Variants in ZNF273 observed in about 807,000 individuals in gnomAD.
The protein encoded by ZNF273 is zinc finger protein 273.
ZNF273 carries 11 observed loss-of-function variants against 14.9 expected under a neutral mutation model. The ratio of observed to expected loss-of-function variants is 0.74; its 90% confidence interval spans 0.46 to 1.22. The LOEUF is 1.22. Ranked by LOEUF, ZNF273 falls within the 50% of genes most tolerant of loss-of-function variation. The pLI is 0.00. For missense variants in ZNF273, 577 were observed against 660.6 expected (o/e 0.87, Z 1.39); for synonymous variants, 199 against 223.9 (o/e 0.89, Z 0.99).
At chr7:64,881,045 G>A (rs1791238972), downstream of ZNF273, among the ~76,000 whole-genome samples, 1 of 152,184 alleles carries the variant, frequency 6.6e-6, no homozygotes, top group Admixed American at 6.5e-5. Flanking sequence ...AACAGGTGCG[G>A]ACAGATGATA....
In ZNF273 at chr7:64,929,827, GTTT is replaced by G. The variant is rs546790409; in HGVS notation, c.*800_*802del. 1.4e-5 allele frequency: 2 copies of G among 141,456 alleles called. No individual in the cohort carries two copies. 8.8% of individuals were successfully genotyped at this position (141,456 alleles called of 1,614,324 possible). A position where few individuals can be genotyped will look rare whatever the true frequency, so the allele number is the denominator to read the frequency against. On this transcript the variant is annotated 3_prime_UTR_variant, in exon 4 of 4. Coordinates refer to ENST00000476120, the MANE Select transcript of ZNF273 (RefSeq NM_021148.3). ...ATGTAATTCAACTCTCAAATTCATG[GTTT>G]TTTTTTTTTTGGTTTTGGTTTTGGG...
intron 3 of ZNF273, among the ~76,000 whole-genome samples, chr7:64,924,803 A>AAT (rs1794697540): frequency 1.4e-5 from 2 of 145,104 alleles, no homozygotes; most frequent in African/African-American, 2.5e-5. Context: ...GATTTTTCAA[A>AAT]TTTTTTTTTT....
intron 3 of ZNF273, among the ~76,000 whole-genome samples, chr7:64,919,085 A>G (rs1794242341): frequency 6.6e-6 from 1 of 152,160 alleles, no homozygotes; most frequent in African/African-American, 2.4e-5. Flanking sequence ...ATATAGTTTG[A>G]AATTTTAAAG....
chr7:64,905,211 G>A (rs1345466040), intron 1 of ZNF273, among the ~76,000 whole-genome samples: 1 of 145,864 alleles, frequency 6.9e-6, no homozygotes, highest in Non-Finnish European at 1.5e-5. Flanking sequence ...CGCCTCCCAG[G>A]TTCAAGCGAT....
intron 2 of ZNF273, 85 bp from the exon 3 acceptor site, chr7:64,918,112 A>G (rs1170265737): frequency 1.6e-6 from 2 of 1,265,820 alleles, no homozygotes; most frequent in Non-Finnish European, 2.1e-6. Flanking sequence ...AGAATACTTA[A>G]TTACATCCTC....
At chr7:64,893,655 C>T (rs1380115986), downstream of ZNF273, 2 of 147,446 alleles carry the variant, frequency 1.4e-5, no homozygotes, top group African/African-American at 2.5e-5. Flanking sequence ...TGCTCTGTTT[C>T]CTCCCTCCCG....
chr7:64,908,054 A>G (rs917652747), intron 1 of ZNF273, among the ~76,000 whole-genome samples: 2 of 152,200 alleles, frequency 1.3e-5, no homozygotes, highest in African/African-American at 4.8e-5. Flanking sequence ...AAAAGTGTCT[A>G]CATGTCTCTG....
downstream of ZNF273, chr7:64,933,236 G>T (rs888808675): frequency 6.6e-6 from 1 of 152,320 alleles, no homozygotes; most frequent in African/African-American, 2.4e-5. Flanking sequence ...GCCTCCTGAA[G>T]TGTTGGGATT....
intron 3 of ZNF273, chr7:64,923,820 CT>C (rs750771189): frequency 2.0e-3 from 289 of 146,120 alleles, no homozygotes; most frequent in South Asian, 4.7e-3. Context: ...TACTAGTCTC[CT>C]TTTTTTTTTT....
At chr7:64,882,011 C>T (rs1641451895), downstream of ZNF273, among the ~76,000 whole-genome samples, 2 of 152,186 alleles carry the variant, frequency 1.3e-5, no homozygotes, top group South Asian at 4.1e-4. Flanking sequence ...TCTTCTCCAC[C>T]GTGTCCTTTC....
At chr7:64,884,623 C>T (rs1265648671), downstream of ZNF273, among the ~76,000 whole-genome samples, 1 of 152,158 alleles carries the variant, frequency 6.6e-6, no homozygotes, top group Non-Finnish European at 1.5e-5. Flanking sequence ...AGCTCAAAGG[C>T]CTCACAGTCT....
At chr7:64,880,680 A>G (rs916758124), downstream of ZNF273, among the ~76,000 whole-genome samples, 1 of 151,968 alleles carries the variant, frequency 6.6e-6, no homozygotes, top group African/African-American at 2.4e-5. Context: ...TGAATCCGCT[A>G]TAAATTGGCG....
At chr7:64,910,357 G>T (rs1220443489) in intron 1 of ZNF273, among the ~76,000 whole-genome samples, 2 of 152,120 alleles carry the variant, frequency 1.3e-5, no homozygotes, top group African/African-American at 2.4e-5. Context: ...TTTGTATGTA[G>T]TGTAAGGAAG....
intron 3 of ZNF273, among the ~76,000 whole-genome samples, chr7:64,897,033 A>G (rs984768865): frequency 4.0e-5 from 6 of 149,426 alleles, no homozygotes; most frequent in Non-Finnish European, 7.4e-5. Flanking sequence ...TATGCTAAGT[A>G]AAATAAGTCA....
At chr7:64,921,331 G>A (rs1187757559) in intron 3 of ZNF273, among the ~76,000 whole-genome samples, 1 of 151,824 alleles carries the variant, frequency 6.6e-6, no homozygotes, top group African/African-American at 2.4e-5. Flanking sequence ...CAAAGTGCTG[G>A]GATTACAGGC....
chr7:64,891,458 G>A (rs1361868764), downstream of ZNF273, among the ~76,000 whole-genome samples: 2 of 152,214 alleles, frequency 1.3e-5, no homozygotes, highest in Non-Finnish European at 2.9e-5. Flanking sequence ...GGTATGATTG[G>A]AATCCAGGCA....
chr7:64,921,605 CTTT>C (rs752363426), intron 3 of ZNF273, among the ~76,000 whole-genome samples: 1 of 57,926 alleles, frequency 1.7e-5, no homozygotes, highest in Non-Finnish European at 3.2e-5. Context: ...CATGCTAATG[CTTT>C]TTTTTTTTTT....
Position 64,903,317 on chromosome 7 carries a change from T to A in ZNF273, c.-1T>A. The A allele has an allele frequency of 1.9e-6, 3 of 1,611,412 alleles. No individual in the cohort carries two copies. Among genetic ancestry groups the A allele is most frequent in the South Asian group, 1.1e-5 (1 of 91,024 alleles). On this transcript the variant is annotated 5_prime_UTR_variant, in exon 1 of 4. Transcript: ENST00000476120. ...GCTCCAGGTCTCGTCTTCACTGCTCTATGTCCTCTGCTCCTAGAGGTCCAC... is the reference window on the plus strand; with the variant it reads ...GCTCCAGGTCTCGTCTTCACTGCTCAATGTCCTCTGCTCCTAGAGGTCCAC...
chr7:64,932,969 A>C (rs934603039), downstream of ZNF273, among the ~76,000 whole-genome samples: 3 of 151,898 alleles, frequency 2.0e-5, no homozygotes, highest in Non-Finnish European at 2.9e-5. Context: ...TAATATTACA[A>C]TTTGGAGGAA....
Sources: allele counts gnomAD v4.1 joint callset (sites outside exome capture counted in the v4.1 genomes callset), GRCh38; gene constraint gnomAD v4.1.1; transcripts MANE v1.5; gene names NCBI Gene and HGNC (gene_info 2026-07-23, HGNC 2026-07-21).